The following FAM149A variants were observed in gnomAD, a reference collection of about 807,000 sequenced individuals.
The protein encoded by FAM149A is protein FAM149A.
A neutral mutation model predicts 78.2 loss-of-function variants in FAM149A; 71 were observed. That is an observed-to-expected ratio of 0.91 (90% confidence interval 0.75 to 1.11). FAM149A has a LOEUF of 1.11. FAM149A is among the 50% of genes least tolerant of loss of function. The pLI is 0.00. For missense variants in FAM149A, 1,036 were observed against 971.0 expected, an observed-to-expected ratio of 1.07 and a Z score of -0.89; for synonymous variants, 446 against 410.5, an observed-to-expected ratio of 1.09 and a Z score of -1.04.
chr4:186,130,315 A>ATATATATT (rs386402636), intron 1 of FAM149A, among the ~76,000 whole-genome samples: 1 of 29,672 alleles, frequency 3.4e-5, no homozygotes, highest in African/African-American at 1.8e-4. Context: ...ATATATATAT[A>ATATATATT]ATCTATATCG....
chr4:186,105,274 G>A lies in FAM149A; in HGVS notation c.198G>A (p.Ser66=). Residue 66 remains serine, a synonymous_variant, in exon 1 of 14, where the codon TCG becomes TCA. Coordinates refer to ENST00000389354, the MANE Select transcript of FAM149A (RefSeq NM_001367768.3). ...TGGCTCCGGACTCCCCCTCCGCCTC[G>A]CGGCGGTCGCCCGCCCCGCTGCTCT... 1 of 1,193,374 alleles carries A rather than the reference G, an allele frequency of 8.4e-7. No individual in the cohort carries two copies. Among genetic ancestry groups the A allele is most frequent in the East Asian group, 8.4e-5 (1 of 11,944 alleles). 73.9% of individuals were successfully genotyped at this position (1,193,374 alleles called of 1,614,324 possible).
At chr4:186,149,336 T>C in intron 2 of FAM149A, 53 bp downstream of exon 2, 1 of 1,265,468 alleles carries the variant, frequency 7.9e-7, no homozygotes, top group Non-Finnish European at 1.0e-6. Context: ...CCGTAACAAA[T>C]GTGGGAAGGA....
At chr4:186,129,690 C>T (rs151123427) in intron 1 of FAM149A, among the ~76,000 whole-genome samples, 156 of 152,292 alleles carry the variant, frequency 1.0e-3, no homozygotes, top group African/African-American at 3.4e-3. Flanking sequence ...GAGAGAGCCC[C>T]CAGCACAGTC....
At chr4:186,168,391 C>T (rs780829426) in intron 13 of FAM149A, among the ~76,000 whole-genome samples, 5 of 152,252 alleles carry the variant, frequency 3.3e-5, no homozygotes, top group African/African-American at 9.6e-5. Flanking sequence ...AGTCTCACTG[C>T]GACGCCCAGG....
chr4:186,162,999 A>G, intron 9 of FAM149A, 51 bp downstream of exon 9: 5 of 1,021,230 alleles, frequency 4.9e-6, no homozygotes, highest in South Asian at 2.6e-5. Flanking sequence ...TGTGCTGCAA[A>G]CACTGGAGCA....
At chr4:186,152,539 C>CTTTTTTTTTTTT (rs10718602) in intron 4 of FAM149A, among the ~76,000 whole-genome samples, 90 of 88,280 alleles carry the variant, frequency 1.0e-3, no homozygotes, top group East Asian at 3.6e-3. Flanking sequence ...TTTCTTTTTG[C>CTTTTTTTTTTTT]TTTTTTTTTT....
At chr4:186,145,126 G>C in intron 1 of FAM149A, 1 of 985,604 alleles carries the variant, frequency 1.0e-6, no homozygotes, top group Non-Finnish European at 1.2e-6. Flanking sequence ...AGTCTCATCC[G>C]GCAGCAGGGC....
chr4:186,149,859 A>C (rs1733336605), intron 3 of FAM149A, among the ~76,000 whole-genome samples, 155 bp downstream of exon 3: 1 of 152,218 alleles, frequency 6.6e-6, no homozygotes, highest in Non-Finnish European at 1.5e-5. Context: ...GTTACATGTG[A>C]AAATAATAGA....
At position 186,153,626 on chromosome 4, in the gene FAM149A, C is replaced by A; in HGVS notation, c.933-19C>A. 1 of 1,598,536 alleles carries A rather than the reference C, an allele frequency of 6.3e-7. No individual in the cohort carries two copies. Among genetic ancestry groups the A allele is most frequent in the Non-Finnish European group, 8.6e-7 (1 of 1,168,024 alleles). On this transcript the variant is annotated intron_variant, in intron 4 of 13. Coordinates refer to ENST00000389354, the MANE Select transcript of FAM149A (RefSeq NM_001367768.3). ...TTTGTCTGATCAAAAATGTCAGTAGCTTCTCTTTGACCTCGCAGAGTATTA... is the reference window on the plus strand; with the variant it reads ...TTTGTCTGATCAAAAATGTCAGTAGATTCTCTTTGACCTCGCAGAGTATTA...
At chr4:186,145,138 C>A in intron 1 of FAM149A, 1 of 985,598 alleles carries the variant, frequency 1.0e-6, no homozygotes, top group Non-Finnish European at 1.2e-6. Context: ...CAGCAGGGCT[C>A]GCCTTCTGGC....
At chr4:186,116,678 A>G (rs565078954) in intron 1 of FAM149A, 44 of 950,040 alleles carry the variant, frequency 4.6e-5, no homozygotes, top group Admixed American at 4.3e-4. Context: ...GCTCACTGCA[A>G]CCTCTGCGTC....
chr4:186,108,425 A>AT, intron 1 of FAM149A, among the ~76,000 whole-genome samples: 1 of 150,472 alleles, frequency 6.6e-6, no homozygotes, highest in African/African-American at 2.4e-5. Context: ...AAAAAAAAAA[A>AT]CAAAAAACTA....
rs544616417 is a variant in FAM149A at position 186,135,831 on chromosome 4, G to T, written c.567-13342G>T. 2.6e-5 allele frequency among the ~76,000 whole-genome samples: 4 copies of T among 152,226 alleles called. No individual in the cohort carries two copies. The South Asian group carries it at 8.3e-4, about 32-fold the overall frequency. ...AATAGACCCACAAAAGTGCACACTT[G>T]TTGACAGCGTGAGAGCTGAAACAAG... On this transcript the variant is annotated intron_variant, in intron 1 of 13. Transcript: ENST00000389354.
At chr4:186,167,511 CAAAAAAAAA>C in intron 13 of FAM149A, 18 of 278,812 alleles carry the variant, frequency 6.5e-5, no homozygotes, top group Non-Finnish European at 9.6e-5. Context: ...GGGCCTCACT[CAAAAAAAAA>C]AAAAAAAAAA....
At chr4:186,126,144 G>T (rs2099318229) in intron 1 of FAM149A, 1 of 971,724 alleles carries the variant, frequency 1.0e-6, no homozygotes, top group Non-Finnish European at 1.2e-6. Context: ...CATATCACTT[G>T]CCCTGTCCAT....
chr4:186,136,976 T>TTCTCTCTTTCTCTC (rs2099323319), intron 1 of FAM149A, among the ~76,000 whole-genome samples: 1 of 72,094 alleles, frequency 1.4e-5, no homozygotes, highest in African/African-American at 6.2e-5. Context: ...CTCTCTCTCT[T>TTCTCTCTTTCTCTC]TCTCTCTCTC....
In FAM149A at chr4:186,137,900, G is replaced by A. The variant is rs146812880; in HGVS notation, c.567-11273G>A. 4.0e-3 allele frequency among the ~76,000 whole-genome samples: 599 copies of A among 151,372 alleles called. 5 individuals carry two copies. The highest frequency in any genetic ancestry group is 0.014 in the African/African-American group (575 of 41,288). On this transcript the variant is annotated intron_variant, in intron 1 of 13. Coordinates refer to ENST00000389354, the MANE Select transcript of FAM149A (RefSeq NM_001367768.3). ...TTTCTATAATTTTATATAAGCTATG[G>A]ACTTCATAGTTTACCTAGCACTTTC...
At chr4:186,123,892 A>AC (rs1197867517) in intron 1 of FAM149A, 4 of 963,138 alleles carry the variant, frequency 4.2e-6, no homozygotes, top group Non-Finnish European at 3.7e-6. Context: ...AAAAAAAATA[A>AC]AACACTTTTT....
intron 1 of FAM149A, chr4:186,131,832 G>A (rs2099320856): frequency 6.4e-6 from 6 of 944,734 alleles, no homozygotes; most frequent in Non-Finnish European, 6.3e-6. Context: ...TAACCAAAAA[G>A]TAAAAGTTAC....
Sources: allele counts gnomAD v4.1 joint callset (sites outside exome capture counted in the v4.1 genomes callset), GRCh38; gene constraint gnomAD v4.1.1; transcripts MANE v1.5; gene names NCBI Gene and HGNC (gene_info 2026-07-23, HGNC 2026-07-21).